Variants in PREX2 observed in about 807,000 individuals in gnomAD.
PREX2 encodes the protein phosphatidylinositol 3,4,5-trisphosphate-dependent Rac exchanger 2 protein.
In PREX2, 107 loss-of-function variants were observed where a neutral mutation model predicts 203.2. The observed-to-expected ratio is 0.53, with a 90% CI of 0.45 to 0.62. The LOEUF is 0.62. PREX2 is among the 20% of genes least tolerant of loss of function. The probability of loss-of-function intolerance (pLI) is 0.00; values close to 1 mark genes in which losing one functional copy is unlikely to be tolerated. For missense variants in PREX2, 1,777 were observed against 1,955.9 expected (o/e 0.91, Z 1.72); for synonymous variants, 672 against 663.6 (o/e 1.01, Z -0.19).
chr8:67,972,609 C>T (rs1585665562), intron 1 of PREX2, among the ~76,000 whole-genome samples: 2 of 152,182 alleles, frequency 1.3e-5, no homozygotes, highest in African/African-American at 2.4e-5. Context: ...TTCACTTCCC[C>T]GGCATTGTTC....
chr8:68,021,721 CT>C (rs1807572807), intron 3 of PREX2, among the ~76,000 whole-genome samples: 1 of 152,166 alleles, frequency 6.6e-6, no homozygotes, highest in Non-Finnish European at 1.5e-5. Flanking sequence ...TATGTAATTT[CT>C]TCCTCTTTTT....
intron 1 of PREX2, among the ~76,000 whole-genome samples, chr8:67,981,312 T>C (rs1422198373): frequency 1.3e-5 from 2 of 152,154 alleles, no homozygotes; most frequent in African/African-American, 4.8e-5. Context: ...GGATGCCATC[T>C]TTTAAAAGAG....
rs767534537 is a variant in PREX2 at position 68,119,509 on chromosome 8, A to G, written c.3499A>G (p.Ser1167Gly). 4 of 1,612,204 alleles carry G rather than the reference A, an allele frequency of 2.5e-6. No homozygotes were observed. In the Admixed American group the frequency reaches 6.7e-5, roughly 27 times the overall value. The change falls in exon 28 of 40, where the codon AGC becomes GGC. Residue 1167 changes from serine to glycine, a missense_variant. Coordinates refer to ENST00000288368, the MANE Select transcript of PREX2 (RefSeq NM_024870.4). ...KIHSCLEHLF[S>G]QVDSITNLLK... ...ACATAGTTGCCTTGAGCATCTTTTCAGCCAGGTACAATCGGGCATTTGTGG... is the reference window on the plus strand; with the variant it reads ...ACATAGTTGCCTTGAGCATCTTTTCGGCCAGGTACAATCGGGCATTTGTGG...
chr8:67,986,797 G>C (rs987938631), intron 1 of PREX2, among the ~76,000 whole-genome samples: 2 of 152,078 alleles, frequency 1.3e-5, no homozygotes, highest in African/African-American at 4.8e-5. Flanking sequence ...TTTGGCTCTT[G>C]TCAGTACTAA....
chr8:68,090,439 C>G (rs1809834722), intron 19 of PREX2, 140 bp from the exon 20 acceptor site: 6 of 639,276 alleles, frequency 9.4e-6, no homozygotes, highest in Admixed American at 3.2e-5. Flanking sequence ...GTGGGCATTG[C>G]TCTCAGAACC....
chr8:67,998,074 A>AT (rs1411216961), intron 1 of PREX2, among the ~76,000 whole-genome samples: 2 of 152,168 alleles, frequency 1.3e-5, no homozygotes, highest in African/African-American at 2.4e-5. Context: ...GGATCAGGAA[A>AT]TCTTTTTTAT....
chr8:68,078,858 G>T (rs969073870), intron 15 of PREX2, among the ~76,000 whole-genome samples: 2 of 152,096 alleles, frequency 1.3e-5, no homozygotes, highest in Admixed American at 6.6e-5. Flanking sequence ...TACATCAAAA[G>T]TTTTTCATAC....
At chr8:68,040,135 T>G (rs1443445862) in intron 7 of PREX2, among the ~76,000 whole-genome samples, 1 of 152,052 alleles carries the variant, frequency 6.6e-6, no homozygotes, top group Non-Finnish European at 1.5e-5. Context: ...CTCAAGCAAT[T>G]TTCCTGCCTC....
chr8:68,074,310 T>C (rs899859080), intron 14 of PREX2, among the ~76,000 whole-genome samples: 3 of 152,102 alleles, frequency 2.0e-5, no homozygotes, highest in Admixed American at 6.5e-5. Flanking sequence ...ATTATGACAA[T>C]GTCTGCAGAA....
chr8:68,149,619 C>A (rs543432729), intron 34 of PREX2, among the ~76,000 whole-genome samples: 1 of 152,130 alleles, frequency 6.6e-6, no homozygotes, highest in Non-Finnish European at 1.5e-5. Flanking sequence ...TATTCAGGGC[C>A]ACTTCTCTAC....
chr8:68,093,086 A>C (rs1809932694), intron 20 of PREX2, among the ~76,000 whole-genome samples: 1 of 152,170 alleles, frequency 6.6e-6, no homozygotes. Flanking sequence ...TAAAACTTGA[A>C]GCTTTAAAAA....
At position 68,233,561 on chromosome 8, in the gene PREX2, TC is replaced by T. The variant is rs1356309297; in HGVS notation, c.*2184del. On this transcript the variant is annotated 3_prime_UTR_variant, in exon 40 of 40. Transcript: ENST00000288368. ...AATGGTTTATATTAACATCAGTCAC[TC>T]TAACTTCTGATCGTAATAAAAATTG... 1 of 152,210 alleles carries T rather than the reference TC, an allele frequency of 6.6e-6. No homozygotes were observed. The highest frequency in any genetic ancestry group is 2.4e-5 in the African/African-American group (1 of 41,462). 9.4% of individuals were successfully genotyped at this position (152,210 alleles called of 1,614,324 possible). A position where few individuals can be genotyped will look rare whatever the true frequency, so the allele number is the denominator to read the frequency against.
At chr8:68,121,130 G>A in intron 30 of PREX2, 81 bp downstream of exon 30, 3 of 1,411,028 alleles carry the variant, frequency 2.1e-6, no homozygotes, top group Non-Finnish European at 2.0e-6. Context: ...GTTTGGTAAT[G>A]CCTGATTATT....
At chr8:68,146,177 A>G in intron 33 of PREX2, 32 bp from the exon 34 acceptor site, 1 of 1,497,318 alleles carries the variant, frequency 6.7e-7, no homozygotes. Flanking sequence ...TCCTTATTTT[A>G]GGAAGTAATA....
chr8:68,051,534 C>T, intron 8 of PREX2, among the ~76,000 whole-genome samples: 1 of 152,024 alleles, frequency 6.6e-6, no homozygotes, highest in South Asian at 2.1e-4. Flanking sequence ...TTGAGAATTT[C>T]TGAATTTTTT....
At chr8:68,070,955 T>C (rs1809177438) in intron 13 of PREX2, among the ~76,000 whole-genome samples, 1 of 152,180 alleles carries the variant, frequency 6.6e-6, no homozygotes, top group Admixed American at 6.5e-5. Context: ...ATTTGTTGAC[T>C]CTGCCATAAT....
intron 25 of PREX2, among the ~76,000 whole-genome samples, chr8:68,115,021 C>CTTTTTTTTTTTT (rs5892137): frequency 5.6e-4 from 49 of 86,818 alleles, no homozygotes; most frequent in East Asian, 7.4e-4. Flanking sequence ...TCTTTTCTTT[C>CTTTTTTTTTTTT]TTTTTTTTTT....
chr8:68,154,070 C>A (rs1194796799), intron 34 of PREX2, among the ~76,000 whole-genome samples: 5 of 152,226 alleles, frequency 3.3e-5, no homozygotes, highest in Non-Finnish European at 7.3e-5. Context: ...GTGGTTTCCC[C>A]CAAGCCCTCT....
At chr8:68,106,259 C>G in intron 23 of PREX2, 1 of 488,744 alleles carries the variant, frequency 2.0e-6, no homozygotes. Flanking sequence ...AGACTTTTAT[C>G]CTGCAATAAC....
Sources: gnomAD v4.1 joint callset for allele counts (sites outside exome capture counted in the v4.1 genomes callset) on GRCh38, gnomAD v4.1.1 for gene constraint, MANE v1.5 for transcripts, NCBI Gene and HGNC (gene_info 2026-07-23, HGNC 2026-07-21) for gene names.